EIF5: variants seen among roughly 807,000 people sequenced by gnomAD.
EIF5 encodes eukaryotic translation initiation factor 5.
EIF5 carries 10 observed loss-of-function variants against 48.3 expected under a neutral mutation model. The ratio of observed to expected loss-of-function variants is 0.21; its 90% CI spans 0.13 to 0.35. EIF5 has a LOEUF of 0.35. Among genes scored for constraint, EIF5 ranks in the 10% least tolerant of loss-of-function variants. EIF5 has a pLI of 1.00. For synonymous variants in EIF5, 237 were observed against 173.1 expected (o/e 1.37, Z -2.90); for missense variants, 397 against 533.2 (o/e 0.74, Z 2.51).
In EIF5 at chr14:103,339,331, C is replaced by T; in HGVS notation, c.904C>T (p.Arg302Ter). The change falls in exon 9 of 12, where the codon CGA (arginine) becomes TGA (stop). Residue 302 changes from arginine to a stop codon, truncating the protein, a stop_gained and splice_region_variant. Transcript: ENST00000216554. LOFTEE classifies it high-confidence loss of function. ...QIKKYRRHFL[R>*]FCHNNKKAQR... ...TAAGAAATACAGGCGCCATTTCCTA[C>T]GAGTAAGCAAAGTGCTCTGGATTCA... 1 of 1,587,788 alleles carries T rather than the reference C, an allele frequency of 6.3e-7. No individual in the cohort carries two copies. The highest frequency in any genetic ancestry group is 8.5e-7 in the Non-Finnish European group (1 of 1,173,048).
In EIF5 at chr14:103,341,947, G is replaced by C. The variant is rs1003084036; in HGVS notation, c.*895G>C. On this transcript the variant is annotated 3_prime_UTR_variant, in exon 12 of 12. Coordinates refer to ENST00000216554, the MANE Select transcript of EIF5 (RefSeq NM_001969.5). ...ATGATTTTTCAGCTTTTGCCCTTAG[G>C]GTTTAAATTACAATTCCAAAATGTT... 7 of 152,476 alleles carry C rather than the reference G, an allele frequency of 4.6e-5. No homozygotes were observed. Among genetic ancestry groups the C allele is most frequent in the African/African-American group, 1.7e-4 (7 of 41,404 alleles). The allele number at this position is 152,476 out of a possible 1,614,324, so 9.4% of individuals were successfully genotyped here.
intron 8 of EIF5, 77 bp from the exon 9 acceptor site, chr14:103,339,095 G>A: frequency 6.5e-7 from 1 of 1,531,564 alleles, no homozygotes; most frequent in Non-Finnish European, 8.8e-7. Flanking sequence ...ATGTTCATCA[G>A]AGCAGGGACT....
chr14:103,334,860 C>G (rs986611512), intron 2 of EIF5: 5 of 152,040 alleles, frequency 3.3e-5, no homozygotes, highest in African/African-American at 9.7e-5. Context: ...CGCTCTGGGG[C>G]GGGGGCGGCC....
intron 2 of EIF5, 105 bp downstream of exon 2, chr14:103,334,702 G>GCGGGCGCGGGCC (rs2089261389): frequency 6.8e-6 from 1 of 146,092 alleles, no homozygotes; most frequent in Non-Finnish European, 1.5e-5. Flanking sequence ...CGGACGGCGG[G>GCGGGCGCGGGCC]CGGGCGCGGG....
intron 9 of EIF5, 27 bp downstream of exon 9, chr14:103,339,360 A>ATG (rs1454084169): frequency 1.1e-5 from 18 of 1,575,154 alleles, no homozygotes; most frequent in Non-Finnish European, 1.5e-5. Context: ...GGATTCATAA[A>ATG]TGAGATTACA....
At position 103,341,574 on chromosome 14, in the gene EIF5, C is replaced by T. The variant is rs979200287; in HGVS notation, c.*522C>T. The T allele has an allele frequency of 6.5e-6, 1 of 154,306 alleles. No individual in the cohort carries two copies. Among genetic ancestry groups the T allele is most frequent in the African/African-American group, 2.4e-5 (1 of 41,446 alleles). 9.6% of individuals were successfully genotyped at this position (154,306 alleles called of 1,614,324 possible). On this transcript the variant is annotated 3_prime_UTR_variant, in exon 12 of 12. Coordinates refer to ENST00000216554, the MANE Select transcript of EIF5 (RefSeq NM_001969.5). Reference sequence around the variant, plus strand: ...TACTAAAGTTTTATCTCTGTAGTTCCTCAAATTGGCATCTGGTAATGTACA... The same window carrying T: ...TACTAAAGTTTTATCTCTGTAGTTCTTCAAATTGGCATCTGGTAATGTACA...
rs1299768618 is a variant in EIF5, at chr14:103,338,389, A to G, written c.502A>G (p.Lys168Glu). The change falls in exon 7 of 12, where the codon AAG (lysine) becomes GAG (glutamate). Residue 168 changes from lysine to glutamate, a missense_variant. Physicochemically the swap from Lys to Glu is moderately conservative, Grantham distance 56. Coordinates refer to ENST00000216554, the MANE Select transcript of EIF5 (RefSeq NM_001969.5). ...AAAGAAAAACAGAAAGGGCAAAGAC[A>G]AGGAAAATGGCTCCGTATCCAGCAG... ...KEKKNRKGKD[K>E]ENGSVSSSET... 1.9e-6 allele frequency: 3 copies of G among 1,613,370 alleles called. No homozygotes were observed. The highest frequency in any genetic ancestry group is 2.5e-6 in the Non-Finnish European group (3 of 1,179,520).
intron 10 of EIF5, 32 bp downstream of exon 10, chr14:103,339,835 C>G (rs751865291): frequency 3.7e-5 from 59 of 1,599,486 alleles, no homozygotes; most frequent in Non-Finnish European, 4.7e-5. Flanking sequence ...TCTTAAAGTT[C>G]ACAGGTTTTG....
At chr14:103,337,607 A>G in intron 6 of EIF5, 1 of 325,608 alleles carries the variant, frequency 3.1e-6, no homozygotes, top group East Asian at 8.6e-5. Context: ...CAAAAAAACA[A>G]TATAAGGAAC....
chr14:103,335,709 G>A lies in EIF5; in HGVS notation c.-152G>A, dbSNP rs1193494139. On this transcript the variant is annotated 5_prime_UTR_variant, in exon 3 of 12. Coordinates refer to ENST00000216554, the MANE Select transcript of EIF5 (RefSeq NM_001969.5). ...GGGAAACATAGCATACAAGCAAGAAGCTTACAGCCTCAGTGGCGAAAATTT... is the reference window on the plus strand; with the variant it reads ...GGGAAACATAGCATACAAGCAAGAAACTTACAGCCTCAGTGGCGAAAATTT... 1.4e-6 allele frequency: 1 copy of A among 714,666 alleles called. No homozygotes were observed. Among genetic ancestry groups the A allele is most frequent in the Admixed American group, 2.5e-5 (1 of 40,490 alleles). 44.3% of individuals were successfully genotyped at this position (714,666 alleles called of 1,614,324 possible).
chr14:103,339,200 C>G lies in EIF5; in HGVS notation c.773C>G (p.Ser258Ter). ...AAGAAAGAAGAGGGTGTTATTGATT[C>G]ATCTGACAAAGAAATCGTTGCTGAA... Reference protein sequence around the residue: ...KKKKEEGVIDSSDKEIVAEAE... With the variant: ...KKKKEEGVID The change falls in exon 9 of 12, where the codon TCA (serine) becomes TGA (stop). Residue 258 changes from serine (S) to a stop codon, truncating the protein, a stop_gained. Coordinates refer to ENST00000216554, the MANE Select transcript of EIF5 (RefSeq NM_001969.5). LOFTEE classifies it high-confidence loss of function. The G allele has an allele frequency of 6.2e-7, 1 of 1,610,170 alleles. No homozygotes were observed. Among genetic ancestry groups the G allele is most frequent in the Non-Finnish European group, 8.5e-7 (1 of 1,179,044 alleles).
rs2089377104 is a variant in EIF5 at position 103,343,466 on chromosome 14, C to T, written c.*2414C>T. On this transcript the variant is annotated 3_prime_UTR_variant, in exon 12 of 12. Transcript: ENST00000216554. ...TAACTGTGAATAATTGTATATATCT[C>T]TAGTTAAGAATGAGGGAATGGGGAG... The T allele has an allele frequency of 6.6e-6, 1 of 152,130 alleles. No individual in the cohort carries two copies. The highest frequency in any genetic ancestry group is 1.5e-5 in the Non-Finnish European group (1 of 68,036). 9.4% of individuals were successfully genotyped at this position (152,130 alleles called of 1,614,324 possible). A position where few individuals can be genotyped will look rare whatever the true frequency, so the allele number is the denominator to read the frequency against.
Position 103,340,555 on chromosome 14 carries a change from C to T in EIF5, c.1200C>T (p.Asn400=), listed in dbSNP as rs747210495. ...GCGAAGAAGAAGATGAAGATGAGAACATTGAGGTAAACATTGGGGGAGGAG... is the reference window on the plus strand; with the variant it reads ...GCGAAGAAGAAGATGAAGATGAGAATATTGAGGTAAACATTGGGGGAGGAG... ...SGGEEEDEDE[N]IEVVYSKAAS... is the part of the protein sequence containing the mutation. Residue 400 remains asparagine, a synonymous_variant, in exon 11 of 12, where the codon AAC becomes AAT. Transcript: ENST00000216554. The T allele has an allele frequency of 1.9e-6, 3 of 1,610,760 alleles. No homozygotes were observed. In the East Asian group the frequency reaches 6.7e-5, roughly 36 times the overall value.
rs754849828 is a variant in EIF5 at position 103,343,256 on chromosome 14, C to T, written c.*2204C>T. ...ATTGGAATCTGCCCTGTTTTGTAGC[C>T]GTTGCTTTGGATTTGTGTTGGATGT... On this transcript the variant is annotated 3_prime_UTR_variant, in exon 12 of 12. Coordinates refer to ENST00000216554, the MANE Select transcript of EIF5 (RefSeq NM_001969.5). The T allele has an allele frequency of 9.9e-5, 15 of 152,156 alleles. No individual in the cohort carries two copies. The highest frequency in any genetic ancestry group is 5.9e-5 in the Non-Finnish European group (4 of 68,010). The allele number at this position is 152,156 out of a possible 1,614,324, so 9.4% of individuals were successfully genotyped here. A position where few individuals can be genotyped will look rare whatever the true frequency, so the allele number is the denominator to read the frequency against.
intron 4 of EIF5, chr14:103,336,378 C>T (rs967881797): frequency 1.7e-6 from 1 of 572,852 alleles, no homozygotes; most frequent in East Asian, 3.0e-5. Context: ...GTCAGGAGTT[C>T]TAGACCAGCC....
rs183913820 is a variant in EIF5 at position 103,338,966 on chromosome 14, A to G, written c.744+73A>G. The G allele has an allele frequency of 2.8e-4, 443 of 1,554,894 alleles. 3 individuals are homozygous for G. In the South Asian group the frequency reaches 3.7e-3, roughly 13 times the overall value. On this transcript the variant is annotated intron_variant, in intron 8 of 11. Transcript: ENST00000216554. ...TGTGCCTTTAGATATATGATACTTTAGCAGTGTAATTAGGATTACTCTAAT... is the reference window on the plus strand; with the variant it reads ...TGTGCCTTTAGATATATGATACTTTGGCAGTGTAATTAGGATTACTCTAAT...
chr14:103,337,035 G>T, intron 5 of EIF5, 81 bp from the exon 6 acceptor site: 1 of 1,390,384 alleles, frequency 7.2e-7, no homozygotes, highest in East Asian at 2.4e-5. Context: ...CTTTGCATGT[G>T]AAGCTGTCTG....
rs2089375533 is a variant in EIF5 at position 103,343,331 on chromosome 14, T to C, written c.*2279T>C. ...CCACTCACAAAAGTTGTTCATTTCA[T>C]TGGGTCACTGGCTTTATTTGCTAGT... On this transcript the variant is annotated 3_prime_UTR_variant, in exon 12 of 12. Coordinates refer to ENST00000216554, the MANE Select transcript of EIF5 (RefSeq NM_001969.5). 1 of 152,232 alleles carries C rather than the reference T, an allele frequency of 6.6e-6. No individual in the cohort carries two copies. Among genetic ancestry groups the C allele is most frequent in the Non-Finnish European group, 1.5e-5 (1 of 68,040 alleles). 9.4% of individuals were successfully genotyped at this position (152,232 alleles called of 1,614,324 possible).
chr14:103,336,540 C>A, intron 4 of EIF5, 137 bp from the exon 5 acceptor site: 1 of 918,210 alleles, frequency 1.1e-6, no homozygotes, highest in Non-Finnish European at 1.6e-6. Flanking sequence ...GAGACCACGC[C>A]GTTGCACTCC....
Sources: gnomAD v4.1 joint callset for allele counts on GRCh38, gnomAD v4.1.1 for gene constraint, MANE v1.5 for transcripts, NCBI Gene and HGNC (gene_info 2026-07-23, HGNC 2026-07-21) for gene names.